KATNA1: variants seen among roughly 807,000 people sequenced by gnomAD.
KATNA1 encodes the protein katanin catalytic subunit A1.
A neutral mutation model predicts 62.6 loss-of-function variants in KATNA1; 42 were observed. The ratio of observed to expected loss-of-function variants is 0.67; its 90% CI spans 0.52 to 0.87. The LOEUF (loss-of-function observed/expected upper bound fraction) is 0.87, where lower values mean the gene tolerates loss of function less well. Ranked by LOEUF, KATNA1 falls within the 40% of genes least tolerant of loss-of-function variation. The pLI, the probability that KATNA1 is intolerant of heterozygous loss-of-function variation, is 0.00. For missense variants in KATNA1, 498 were observed against 612.5 expected, an observed-to-expected ratio of 0.81 and a Z score of 1.97; for synonymous variants, 186 against 201.9, an observed-to-expected ratio of 0.92 and a Z score of 0.67.
intron 4 of KATNA1, among the ~76,000 whole-genome samples, chr6:149,610,518 A>C (rs924625187): frequency 3.9e-4 from 59 of 152,306 alleles, no homozygotes; most frequent in African/African-American, 1.4e-3. Flanking sequence ...CTCAAAGCAC[A>C]AAAGATTCAA....
chr6:149,625,582 A>G (rs1203947688), intron 3 of KATNA1, among the ~76,000 whole-genome samples: 1 of 149,618 alleles, frequency 6.7e-6, no homozygotes, highest in South Asian at 2.1e-4. Flanking sequence ...GTCAGCCGAG[A>G]TTGCACCACT....
intron 4 of KATNA1, among the ~76,000 whole-genome samples, chr6:149,621,076 G>A (rs1028767900): frequency 6.6e-6 from 1 of 151,322 alleles, no homozygotes; most frequent in Non-Finnish European, 1.5e-5. Flanking sequence ...CTAACCAAGC[G>A]ATCCAACTTA....
intron 4 of KATNA1, among the ~76,000 whole-genome samples, chr6:149,615,759 C>T (rs1318538081): frequency 6.6e-6 from 1 of 152,044 alleles, no homozygotes; most frequent in African/African-American, 2.4e-5. Flanking sequence ...TGAATATTTA[C>T]TGTACTCCAG....
At chr6:149,596,034 TTATAA>T (rs1297067543) in intron 10 of KATNA1, among the ~76,000 whole-genome samples, 23 of 152,352 alleles carry the variant, frequency 1.5e-4, no homozygotes, top group African/African-American at 5.5e-4. Flanking sequence ...ATTTCGTATT[TTATAA>T]TATAGTGAAC....
intron 7 of KATNA1, among the ~76,000 whole-genome samples, chr6:149,600,854 A>G (rs930710940): frequency 1.3e-5 from 2 of 151,696 alleles, no homozygotes; most frequent in African/African-American, 4.8e-5. Context: ...AGATGGGAAG[A>G]GCACTTGGGC....
intron 4 of KATNA1, among the ~76,000 whole-genome samples, chr6:149,615,096 G>A (rs1326893816): frequency 8.0e-6 from 1 of 125,734 alleles, no homozygotes; most frequent in East Asian, 2.4e-4. Context: ...TTGTGTCACT[G>A]CACTCCAGGC....
rs187986189 is a variant in KATNA1, at chr6:149,632,756, T to A, written c.320+3A>T. The A allele has an allele frequency of 1.2e-4, 193 of 1,599,716 alleles. 2 individuals are homozygous for A. The East Asian group carries it at 3.6e-3, about 29-fold the overall frequency. On this transcript the variant is annotated splice_donor_region_variant and intron_variant, in intron 3 of 10. Coordinates refer to ENST00000367411, the MANE Select transcript of KATNA1 (RefSeq NM_007044.4). The stretch of plus-strand genomic sequence containing the variant: ...ACTGGTTTCTTAAAAGGTTTCCACT[T>A]ACCTTCGTTCAACAGGTACAGGCAT...
intron 3 of KATNA1, among the ~76,000 whole-genome samples, chr6:149,628,183 C>T (rs1222920938): frequency 4.0e-5 from 6 of 151,284 alleles, no homozygotes; most frequent in Non-Finnish European, 7.4e-5. Context: ...CTGCAAGCTC[C>T]GCCTCCTGGG....
chr6:149,624,616 T>C (rs1779532856), intron 3 of KATNA1, among the ~76,000 whole-genome samples: 1 of 151,794 alleles, frequency 6.6e-6, no homozygotes, highest in South Asian at 2.1e-4. Flanking sequence ...CTGGGCTCAA[T>C]CGATCCTCCC....
chr6:149,647,686 C>T (rs571623024), intron 1 of KATNA1, among the ~76,000 whole-genome samples: 29 of 152,244 alleles, frequency 1.9e-4, no homozygotes, highest in African/African-American at 7.0e-4. Flanking sequence ...ATCTACTGCA[C>T]CCATTCTAAA....
chr6:149,642,168 T>C (rs1169540323), intron 1 of KATNA1, among the ~76,000 whole-genome samples: 2 of 152,226 alleles, frequency 1.3e-5, no homozygotes, highest in South Asian at 2.1e-4. Context: ...CCCAAAGTGC[T>C]GGGATTACAG....
chr6:149,601,048 CA>C (rs1469731909), intron 7 of KATNA1, among the ~76,000 whole-genome samples: 2 of 152,152 alleles, frequency 1.3e-5, no homozygotes, highest in East Asian at 1.9e-4. Flanking sequence ...TGAAGCTTAA[CA>C]AAGTCTGAAG....
At chr6:149,599,445 T>C (rs1159861622) in intron 7 of KATNA1, among the ~76,000 whole-genome samples, 1 of 152,210 alleles carries the variant, frequency 6.6e-6, no homozygotes. Context: ...CTATGTGTCC[T>C]GGGTTTAGCT....
At chr6:149,599,387 C>G (rs1039917639) in intron 7 of KATNA1, among the ~76,000 whole-genome samples, 2 of 152,090 alleles carry the variant, frequency 1.3e-5, no homozygotes, top group South Asian at 2.1e-4. Context: ...TAGACTGATT[C>G]TTCCCACATA....
intron 4 of KATNA1, among the ~76,000 whole-genome samples, chr6:149,612,963 TAA>T (rs1219103931): frequency 3.3e-5 from 5 of 151,560 alleles, no homozygotes; most frequent in African/African-American, 1.2e-4. Flanking sequence ...CTCAACCTGA[TAA>T]AGAGTATCCA....
At chr6:149,614,536 G>A (rs551767689) in intron 4 of KATNA1, among the ~76,000 whole-genome samples, 1 of 152,080 alleles carries the variant, frequency 6.6e-6, no homozygotes, top group African/African-American at 2.4e-5. Context: ...ATTTTGAGAC[G>A]CTGAAATGCA....
intron 1 of KATNA1, among the ~76,000 whole-genome samples, chr6:149,639,091 G>C (rs1216196186): frequency 6.6e-6 from 1 of 152,022 alleles, no homozygotes; most frequent in Non-Finnish European, 1.5e-5. Flanking sequence ...CTTCAGGCCA[G>C]GAGTTCAAGA....
At chr6:149,632,011 T>C (rs1437253428) in intron 3 of KATNA1, among the ~76,000 whole-genome samples, 1 of 152,198 alleles carries the variant, frequency 6.6e-6, no homozygotes, top group East Asian at 1.9e-4. Flanking sequence ...AAATTTTCCA[T>C]TTTTCATTAT....
chr6:149,645,456 C>CAAAAAAAAAAA (rs201041700), intron 1 of KATNA1, among the ~76,000 whole-genome samples: 1 of 123,794 alleles, frequency 8.1e-6, no homozygotes, highest in African/African-American at 3.0e-5. Context: ...AAACAAAAAA[C>CAAAAAAAAAAA]AAAAAAAAAA....
Sources: gnomAD v4.1 joint callset for allele counts (sites outside exome capture counted in the v4.1 genomes callset) on GRCh38, gnomAD v4.1.1 for gene constraint, MANE v1.5 for transcripts, NCBI Gene and HGNC (gene_info 2026-07-23, HGNC 2026-07-21) for gene names.